Variants in PDE8B observed in about 807,000 individuals in gnomAD.
The protein encoded by PDE8B is high affinity cAMP-specific and IBMX-insensitive 3',5'-cyclic phosphodiesterase 8B.
A neutral mutation model predicts 101.3 loss-of-function variants in PDE8B; 26 were observed. The ratio of observed to expected loss-of-function variants is 0.26; its 90% confidence interval spans 0.19 to 0.36. The LOEUF (loss-of-function observed/expected upper bound fraction) is 0.36, where lower values mean the gene tolerates loss of function less well. Ranked by LOEUF, PDE8B falls within the 10% of genes least tolerant of loss-of-function variation. The probability of loss-of-function intolerance (pLI) is 1.00; values close to 1 mark genes in which losing one functional copy is unlikely to be tolerated. For synonymous variants in PDE8B, 424 were observed against 429.3 expected (o/e 0.99, Z 0.15); for missense variants, 810 against 1,163.1 (o/e 0.70, Z 4.42).
At chr5:77,404,698 CT>C in intron 11 of PDE8B, 21 bp from the exon 12 acceptor site, 1 of 1,430,224 alleles carries the variant, frequency 7.0e-7, no homozygotes, top group African/African-American at 1.4e-5. Flanking sequence ...ATCACCTTCC[CT>C]TTCTAATCTG....
At chr5:77,258,074 A>C (rs1759567533) in intron 1 of PDE8B, among the ~76,000 whole-genome samples, 1 of 151,794 alleles carries the variant, frequency 6.6e-6, no homozygotes, top group Non-Finnish European at 1.5e-5. Flanking sequence ...AGATCACCTG[A>C]GGTCAGGAGT....
rs557329174 is a variant in PDE8B, at chr5:77,264,387, T to C, written c.340-47607T>C. On this transcript the variant is annotated intron_variant, in intron 1 of 21. Transcript: ENST00000264917. ...CCATTTTATATTCCCATCAACAATA[T>C]ATGAGAGTTCCAGTATCTTCACATT... Among the ~76,000 whole-genome samples the C allele has an allele frequency of 2.0e-5, 3 of 152,364 alleles. No individual in the cohort carries two copies. In the South Asian group the frequency reaches 6.2e-4, roughly 32 times the overall value.
chr5:77,119,539 C>T, the PDE8B span: 1 of 151,866 alleles, frequency 6.6e-6, no homozygotes, highest in African/African-American at 2.4e-5. Context: ...CGCCTGTAGT[C>T]TCAGCTACTT....
At position 77,383,008 on chromosome 5, in the gene PDE8B, G is replaced by A. The variant is rs564702348; in HGVS notation, c.1168-17240G>A. Among the ~76,000 whole-genome samples the A allele has an allele frequency of 2.8e-4, 43 of 152,240 alleles. 1 individual carries two copies. The South Asian group carries it at 4.1e-3, about 15-fold the overall frequency. On this transcript the variant is annotated intron_variant, in intron 10 of 21. Coordinates refer to ENST00000264917, the MANE Select transcript of PDE8B (RefSeq NM_003719.5). ...TCTGGTTCTAGATCCTTGAGGAATCGCCACACTGTCTTCCACAATGGTTGA... is the reference window on the plus strand; with the variant it reads ...TCTGGTTCTAGATCCTTGAGGAATCACCACACTGTCTTCCACAATGGTTGA...
At chr5:77,244,944 C>G (rs1357893428) in intron 1 of PDE8B, among the ~76,000 whole-genome samples, 4 of 152,166 alleles carry the variant, frequency 2.6e-5, no homozygotes, top group African/African-American at 9.7e-5. Context: ...ATAGGAGAGG[C>G]AAGACCCTAG....
At chr5:77,125,521 A>T in the PDE8B span, among the ~76,000 whole-genome samples, 2 of 152,250 alleles carry the variant, frequency 1.3e-5, no homozygotes, top group African/African-American at 2.4e-5. Context: ...ACCAACGTCC[A>T]CGGAAGTGTT....
chr5:77,399,824 CCT>C, intron 10 of PDE8B, among the ~76,000 whole-genome samples: 1 of 151,376 alleles, frequency 6.6e-6, no homozygotes, highest in South Asian at 2.1e-4. Flanking sequence ...GTTTTTAACT[CCT>C]AGGCTTAAAT....
intron 1 of PDE8B, among the ~76,000 whole-genome samples, chr5:77,236,906 G>A (rs1754812626): frequency 6.6e-6 from 1 of 152,064 alleles, no homozygotes; most frequent in African/African-American, 2.4e-5. Flanking sequence ...TTGTGAATTT[G>A]TCTATTTTTG....
intron 20 of PDE8B, among the ~76,000 whole-genome samples, chr5:77,424,093 G>C (rs777328458): frequency 1.3e-5 from 2 of 152,184 alleles, no homozygotes; most frequent in Non-Finnish European, 2.9e-5. Flanking sequence ...CCAGAGAGAA[G>C]AACAGGAAGG....
At chr5:77,255,170 G>A (rs945399974) in intron 1 of PDE8B, among the ~76,000 whole-genome samples, 1 of 152,096 alleles carries the variant, frequency 6.6e-6, no homozygotes, top group African/African-American at 2.4e-5. Flanking sequence ...CCACACTTAG[G>A]GTGGTACACT....
At chr5:77,178,063 A>G in the PDE8B span, among the ~76,000 whole-genome samples, 1 of 152,230 alleles carries the variant, frequency 6.6e-6, no homozygotes. Context: ...ACAACCTCCC[A>G]GTTGCCACAG....
chr5:77,329,719 C>A (rs1776749672), intron 4 of PDE8B, among the ~76,000 whole-genome samples: 2 of 152,198 alleles, frequency 1.3e-5, no homozygotes, highest in Admixed American at 1.3e-4. Context: ...GAAATCTTGG[C>A]AGGTAACAAA....
At chr5:77,215,700 A>G (rs1197434827) in intron 1 of PDE8B, among the ~76,000 whole-genome samples, 1 of 152,210 alleles carries the variant, frequency 6.6e-6, no homozygotes, top group African/African-American at 2.4e-5. Context: ...GGCAGGGCAG[A>G]TTCTGTGGCA....
At chr5:77,129,737 G>A in the PDE8B span, among the ~76,000 whole-genome samples, 19 of 152,146 alleles carry the variant, frequency 1.2e-4, no homozygotes, top group Non-Finnish European at 2.1e-4. Context: ...GTGGGATGCG[G>A]TCCATGACCT....
At chr5:77,383,255 C>T (rs534083563) in intron 10 of PDE8B, among the ~76,000 whole-genome samples, 47 of 152,340 alleles carry the variant, frequency 3.1e-4, no homozygotes, top group African/African-American at 1.1e-3. Context: ...AGTGTCTGTT[C>T]ATATCCTTCG....
chr5:77,145,217 T>C, the PDE8B span: 19 of 152,216 alleles, frequency 1.2e-4, no homozygotes, highest in African/African-American at 2.4e-4. Flanking sequence ...TACAAAGTGA[T>C]GAAATATAGC....
At chr5:77,200,781 C>T in the PDE8B span, among the ~76,000 whole-genome samples, 1 of 152,082 alleles carries the variant, frequency 6.6e-6, no homozygotes, top group African/African-American at 2.4e-5. Context: ...TGTCAAGTAC[C>T]CTGGAAAGCT....
chr5:77,298,062 C>T (rs1420732422), intron 1 of PDE8B, among the ~76,000 whole-genome samples: 2 of 152,144 alleles, frequency 1.3e-5, no homozygotes, highest in Non-Finnish European at 2.9e-5. Flanking sequence ...GTATCTGGCA[C>T]ATAATAGATG....
chr5:77,369,901 T>C (rs1206613569), intron 10 of PDE8B, among the ~76,000 whole-genome samples: 1 of 152,328 alleles, frequency 6.6e-6, no homozygotes, highest in East Asian at 1.9e-4. Context: ...CAATTTTTTC[T>C]CAAGCATTTT....
Sources: allele counts gnomAD v4.1 joint callset (sites outside exome capture counted in the v4.1 genomes callset), GRCh38; gene constraint gnomAD v4.1.1; transcripts MANE v1.5; gene names NCBI Gene and HGNC (gene_info 2026-07-23, HGNC 2026-07-21).